BTRC: variants seen among roughly 807,000 people sequenced by gnomAD.
BTRC encodes beta-transducin repeat containing E3 ubiquitin protein ligase, also known as F-box/WD repeat-containing protein 1A.
A neutral mutation model predicts 85.5 loss-of-function variants in BTRC; 42 were observed. The observed-to-expected ratio is 0.49, with a 90% confidence interval of 0.38 to 0.64. The LOEUF is 0.64. Among genes scored for constraint, BTRC ranks in the 30% least tolerant of loss-of-function variants. BTRC has a pLI of 0.00. For synonymous variants in BTRC, 255 were observed against 263.3 expected (o/e 0.97, Z 0.30); for missense variants, 594 against 743.5 (o/e 0.80, Z 2.34).
intron 6 of BTRC, among the ~76,000 whole-genome samples, chr10:101,528,884 C>CT (rs1162260047): frequency 1.3e-5 from 2 of 152,142 alleles, no homozygotes; most frequent in African/African-American, 4.8e-5. Flanking sequence ...GCTTTTATCT[C>CT]TAAGTTTTAA....
intron 2 of BTRC, among the ~76,000 whole-genome samples, chr10:101,433,339 T>G (rs1944448750): frequency 6.6e-6 from 1 of 152,176 alleles, no homozygotes; most frequent in Admixed American, 6.5e-5. Context: ...GCTGATAAAT[T>G]CTAGGAAGGG....
intron 1 of BTRC, among the ~76,000 whole-genome samples, chr10:101,405,101 G>A (rs1427668718): frequency 6.6e-6 from 1 of 151,864 alleles, no homozygotes; most frequent in Non-Finnish European, 1.5e-5. Flanking sequence ...ACTTTATGGG[G>A]CCATTTTCTT....
intron 1 of BTRC, among the ~76,000 whole-genome samples, chr10:101,377,371 A>G (rs1942817810): frequency 6.6e-6 from 1 of 152,200 alleles, no homozygotes; most frequent in Non-Finnish European, 1.5e-5. Flanking sequence ...TTGTGTATAG[A>G]TTTTGTGTGA....
At chr10:101,458,045 A>G (rs1945126926) in intron 2 of BTRC, among the ~76,000 whole-genome samples, 1 of 152,010 alleles carries the variant, frequency 6.6e-6, no homozygotes, top group Non-Finnish European at 1.5e-5. Context: ...CATCCCCCCT[A>G]AATGTTTCAG....
intron 1 of BTRC, among the ~76,000 whole-genome samples, chr10:101,416,588 T>A (rs1001859680): frequency 2.6e-5 from 4 of 152,108 alleles, no homozygotes; most frequent in Non-Finnish European, 5.9e-5. Context: ...TTTACCAGGG[T>A]ACCTTGTCCT....
chr10:101,500,060 T>C (rs1301254634), intron 4 of BTRC, among the ~76,000 whole-genome samples: 1 of 151,060 alleles, frequency 6.6e-6, no homozygotes, highest in Non-Finnish European at 1.5e-5. Context: ...GTTTTTTATA[T>C]CTAGTTGCAG....
At position 101,429,431 on chromosome 10, in the gene BTRC, T is replaced by TTTTG. The variant is rs551361789; in HGVS notation, c.49-902_49-899dup. Among the ~76,000 whole-genome samples, 70 of 152,066 alleles carry TTTTG rather than the reference T, an allele frequency of 4.6e-4. No homozygotes were observed. The East Asian group carries it at 0.013, about 29-fold the overall frequency. On this transcript the variant is annotated intron_variant, in intron 1 of 14. Coordinates refer to ENST00000370187, the MANE Select transcript of BTRC (RefSeq NM_033637.4). ...TATATATATGTACATTCTTAGGTAT[T>TTTTG]TTTGTTTGTTTGTTTAGAAGGTTTT...
intron 1 of BTRC, among the ~76,000 whole-genome samples, chr10:101,401,136 A>C (rs947612145): frequency 6.6e-6 from 1 of 152,202 alleles, no homozygotes; most frequent in African/African-American, 2.4e-5. Flanking sequence ...ATTTGACTTG[A>C]ATTTAATACA....
At chr10:101,411,692 A>AG (rs1281920152) in intron 1 of BTRC, among the ~76,000 whole-genome samples, 2 of 149,624 alleles carry the variant, frequency 1.3e-5, no homozygotes, top group Non-Finnish European at 3.0e-5. Flanking sequence ...TTTAATTTTT[A>AG]GGTCTGCTAA....
chr10:101,479,570 A>G, intron 4 of BTRC, 113 bp downstream of exon 4: 2 of 745,164 alleles, frequency 2.7e-6, no homozygotes, highest in South Asian at 2.6e-5. Flanking sequence ...ATAGTTAAGA[A>G]AAAAATACAA....
chr10:101,389,117 GT>G lies in BTRC; in HGVS notation c.48+34890del, dbSNP rs994243100. Among the ~76,000 whole-genome samples, 19 of 53,052 alleles carry G rather than the reference GT, an allele frequency of 3.6e-4. No individual in the cohort carries two copies. In the East Asian group the frequency reaches 5.1e-3, roughly 14 times the overall value. The allele number at this position is 53,052 out of a possible 152,430, so 34.8% of individuals were successfully genotyped here. A position where few individuals can be genotyped will look rare whatever the true frequency, so the allele number is the denominator to read the frequency against. On this transcript the variant is annotated intron_variant, in intron 1 of 14. Coordinates refer to ENST00000370187, the MANE Select transcript of BTRC (RefSeq NM_033637.4). ...GTTGCATAATTGTGATTTTTTGTGT[GT>G]GTTTTTTTTTTTTTTTTTTTTTTTT... is the stretch of plus-strand genomic sequence containing the variant.
intron 8 of BTRC, among the ~76,000 whole-genome samples, 161 bp from the exon 9 acceptor site, chr10:101,532,791 C>CGTGTGTGT: frequency 3.4e-5 from 1 of 29,210 alleles, no homozygotes; most frequent in East Asian, 1.5e-3. Context: ...TGTGTGTGTG[C>CGTGTGTGT]GCGTGTGCGC....
chr10:101,391,805 A>G (rs1169217561), intron 1 of BTRC, among the ~76,000 whole-genome samples: 1 of 152,232 alleles, frequency 6.6e-6, no homozygotes, highest in Non-Finnish European at 1.5e-5. Context: ...GGGTAAATAA[A>G]TATAAATAAG....
intron 2 of BTRC, among the ~76,000 whole-genome samples, chr10:101,449,934 C>A (rs868218349): frequency 5.3e-5 from 8 of 151,360 alleles, no homozygotes; most frequent in Non-Finnish European, 8.8e-5. Context: ...AAATATTAAC[C>A]CACATTTTAA....
intron 1 of BTRC, among the ~76,000 whole-genome samples, chr10:101,371,164 CT>C (rs35189735): frequency 0.37 from 55,070 of 149,770 alleles, 11,060 homozygotes; most frequent in Middle Eastern, 0.48. Context: ...AACCACTATT[CT>C]TTTTTTTTTG....
intron 3 of BTRC, among the ~76,000 whole-genome samples, chr10:101,463,766 CA>C (rs1288197856): frequency 6.6e-6 from 1 of 151,994 alleles, no homozygotes; most frequent in Non-Finnish European, 1.5e-5. Flanking sequence ...TCAGTGTTTC[CA>C]AAGCGTTTCT....
chr10:101,432,501 G>GT (rs1321102677), intron 2 of BTRC, among the ~76,000 whole-genome samples: 4 of 152,024 alleles, frequency 2.6e-5, no homozygotes, highest in Admixed American at 6.6e-5. Flanking sequence ...TAGTTTGTTG[G>GT]TTTTTTTGTT....
Position 101,556,184 on chromosome 10 carries a change from T to G in BTRC, c.*3061T>G, listed in dbSNP as rs1252311956. 6.6e-6 allele frequency: 1 copy of G among 152,158 alleles called. No individual in the cohort carries two copies. The highest frequency in any genetic ancestry group is 1.5e-5 in the Non-Finnish European group (1 of 68,024). 9.4% of individuals were successfully genotyped at this position (152,158 alleles called of 1,614,324 possible). A position where few individuals can be genotyped will look rare whatever the true frequency, so the allele number is the denominator to read the frequency against. On this transcript the variant is annotated 3_prime_UTR_variant, in exon 15 of 15. Transcript: ENST00000370187. ...CTGTGAGACCCCTACATCATTCTGG[T>G]TTTTTTGCTTGAGTAAGAACAATCC...
intron 13 of BTRC, among the ~76,000 whole-genome samples, 197 bp downstream of exon 13, chr10:101,538,568 A>G (rs769542579): frequency 1.3e-5 from 2 of 152,228 alleles, no homozygotes; most frequent in Non-Finnish European, 2.9e-5. Flanking sequence ...TAGAGACTAT[A>G]TATGGAGAGA....
Sources: gnomAD v4.1 joint callset for allele counts (sites outside exome capture counted in the v4.1 genomes callset) on GRCh38, gnomAD v4.1.1 for gene constraint, MANE v1.5 for transcripts, NCBI Gene and HGNC (gene_info 2026-07-23, HGNC 2026-07-21) for gene names.